Variants in SCRN1 observed in about 807,000 individuals in gnomAD.
The protein encoded by SCRN1 is secernin 1, also known as secernin-1.
Under a neutral mutation model 43.3 loss-of-function variants are expected in SCRN1, and 19 were observed. The ratio of observed to expected loss-of-function variants is 0.44; its 90% CI spans 0.31 to 0.64. The LOEUF is 0.64. Among genes scored for constraint, SCRN1 ranks in the 30% least tolerant of loss-of-function variants. SCRN1 has a pLI of 0.09. For missense variants in SCRN1, 447 were observed against 524.1 expected, an observed-to-expected ratio of 0.85 and a Z score of 1.44; for synonymous variants, 183 against 188.9, an observed-to-expected ratio of 0.97 and a Z score of 0.26.
intron 5 of SCRN1, among the ~76,000 whole-genome samples, chr7:29,936,923 G>A (rs1583657012): frequency 1.3e-5 from 2 of 152,262 alleles, no homozygotes; most frequent in Admixed American, 6.5e-5. Flanking sequence ...GCAGGCGCCT[G>A]TAGTCCCAGC....
intron 7 of SCRN1, among the ~76,000 whole-genome samples, chr7:29,925,125 C>T (rs1401024196): frequency 6.6e-6 from 1 of 152,120 alleles, no homozygotes; most frequent in Admixed American, 6.5e-5. Context: ...GTGGACAGCC[C>T]TGGAGAAAAC....
chr7:29,954,331 T>A lies in SCRN1; in HGVS notation c.341+848A>T, dbSNP rs953253038. ...TTCTAGTTTATGATTTTTCATATTT[T>A]TATATATATATTATATATTTCAAGT... is the stretch of plus-strand genomic sequence containing the variant. On this transcript the variant is annotated intron_variant, in intron 3 of 7. Coordinates refer to ENST00000242059, the MANE Select transcript of SCRN1 (RefSeq NM_014766.5). Among the ~76,000 whole-genome samples the A allele has an allele frequency of 2.2e-4, 33 of 151,980 alleles. No individual in the cohort carries two copies. The East Asian group carries it at 2.9e-3, about 13-fold the overall frequency.
chr7:29,980,519 T>C (rs1422034397), intron 1 of SCRN1, among the ~76,000 whole-genome samples: 1 of 152,224 alleles, frequency 6.6e-6, no homozygotes, highest in Non-Finnish European at 1.5e-5. Flanking sequence ...GTTAACTCTG[T>C]AAACTGGGAT....
chr7:29,963,551 A>G (rs1377818238), intron 2 of SCRN1, among the ~76,000 whole-genome samples: 1 of 152,258 alleles, frequency 6.6e-6, no homozygotes, highest in Non-Finnish European at 1.5e-5. Context: ...GCTAACAATG[A>G]GAATAGAAAA....
In SCRN1 at chr7:29,955,279, T is replaced by C. The variant is rs1269557881; in HGVS notation, c.241A>G (p.Met81Val). ...CACACTCCATGTTCATTGGCTCCCATTTCTGCTCCCCAGAGCCAGGCGGGT... is the reference window on the plus strand; with the variant it reads ...CACACTCCATGTTCATTGGCTCCCACTTCTGCTCCCCAGAGCCAGGCGGGT... ...SRPAWLWGAE[M>V]GANEHGVCIA... is the part of the protein sequence containing the mutation. The change falls in exon 3 of 8, where the codon ATG (methionine) becomes GTG (valine). Residue 81 changes from methionine (M) to valine (V), a missense_variant. Physicochemically the swap from Met to Val is conservative, Grantham distance 21. Transcript: ENST00000242059. 2 of 1,614,188 alleles carry C rather than the reference T, an allele frequency of 1.2e-6. No homozygotes were observed. The highest frequency in any genetic ancestry group is 1.7e-6 in the Non-Finnish European group (2 of 1,180,030).
chr7:29,986,454 A>G (rs913642223), intron 1 of SCRN1, among the ~76,000 whole-genome samples: 1 of 152,072 alleles, frequency 6.6e-6, no homozygotes, highest in Non-Finnish European at 1.5e-5. Context: ...TATATTTTAC[A>G]CTCAGCATAT....
chr7:29,978,468 G>T (rs1788897931), intron 1 of SCRN1, among the ~76,000 whole-genome samples: 1 of 152,086 alleles, frequency 6.6e-6, no homozygotes, highest in South Asian at 2.1e-4. Context: ...TCACCTTTGT[G>T]TAATTGCACT....
intron 1 of SCRN1, among the ~76,000 whole-genome samples, chr7:29,973,586 CT>C (rs1788726480): frequency 6.6e-6 from 1 of 152,150 alleles, no homozygotes; most frequent in Non-Finnish European, 1.5e-5. Context: ...CAGGTCCACA[CT>C]GAGCCTTGAA....
chr7:29,982,237 G>A (rs546628201), intron 1 of SCRN1, among the ~76,000 whole-genome samples: 1 of 152,134 alleles, frequency 6.6e-6, no homozygotes, highest in Non-Finnish European at 1.5e-5. Flanking sequence ...ATCTAAAATT[G>A]TATGTTAGAA....
At chr7:29,977,518 T>C (rs1241801507) in intron 1 of SCRN1, among the ~76,000 whole-genome samples, 1 of 152,260 alleles carries the variant, frequency 6.6e-6, no homozygotes, top group Non-Finnish European at 1.5e-5. Flanking sequence ...AAATGCCAGC[T>C]GATGAAAGTC....
At chr7:29,963,391 C>A (rs1788392849) in intron 2 of SCRN1, among the ~76,000 whole-genome samples, 1 of 151,914 alleles carries the variant, frequency 6.6e-6, no homozygotes, top group African/African-American at 2.4e-5. Flanking sequence ...CAGGAGTCTA[C>A]CAAGTAGATG....
chr7:29,951,429 C>T (rs1787917000), intron 3 of SCRN1, among the ~76,000 whole-genome samples: 1 of 152,138 alleles, frequency 6.6e-6, no homozygotes, highest in Non-Finnish European at 1.5e-5. Context: ...GCCCAGCAGC[C>T]CGACCAAAAC....
At chr7:29,957,846 G>C (rs1202502096) in intron 2 of SCRN1, among the ~76,000 whole-genome samples, 1 of 152,198 alleles carries the variant, frequency 6.6e-6, no homozygotes, top group Non-Finnish European at 1.5e-5. Context: ...CTATGGTCCA[G>C]AGAGGTCCCT....
At position 29,922,409 on chromosome 7, in the gene SCRN1, C is replaced by T. The variant is rs1366134709; in HGVS notation, c.*1548G>A. The T allele has an allele frequency of 6.6e-6, 1 of 152,218 alleles. No homozygotes were observed. Among genetic ancestry groups the T allele is most frequent in the Non-Finnish European group, 1.5e-5 (1 of 68,034 alleles). The allele number at this position is 152,218 out of a possible 1,614,324, so 9.4% of individuals were successfully genotyped here. A position where few individuals can be genotyped will look rare whatever the true frequency, so the allele number is the denominator to read the frequency against. On this transcript the variant is annotated 3_prime_UTR_variant, in exon 8 of 8. Coordinates refer to ENST00000242059, the MANE Select transcript of SCRN1 (RefSeq NM_014766.5). ...CCCTCAAAATCTCATGATACAGCTT[C>T]TGGGAAGGAGTTATTAACCCTGTCA...
rs879619865 is a variant in SCRN1, at chr7:29,959,412, A to ATG, written c.160-4054_160-4053dup. ...GTTTTTTATTTATTTAAAATTATATATGTGTGTGTGTGTATGTGTGTATTT... is the reference window on the plus strand; with the variant it reads ...GTTTTTTATTTATTTAAAATTATATATGTGTGTGTGTGTGTATGTGTGTATTT... On this transcript the variant is annotated intron_variant, in intron 2 of 7. Transcript: ENST00000242059. Among the ~76,000 whole-genome samples the ATG allele has an allele frequency of 1.3e-4, 20 of 151,954 alleles. No homozygotes were observed. In the South Asian group the frequency reaches 1.7e-3, roughly 13 times the overall value.
At chr7:29,954,885 T>C (rs1788079226) in intron 3 of SCRN1, among the ~76,000 whole-genome samples, 2 of 152,192 alleles carry the variant, frequency 1.3e-5, no homozygotes, top group East Asian at 3.8e-4. Flanking sequence ...TTCACCATGT[T>C]GGCCAGGCTG....
intron 1 of SCRN1, among the ~76,000 whole-genome samples, chr7:29,973,539 G>A (rs909668831): frequency 1.3e-5 from 2 of 152,220 alleles, no homozygotes; most frequent in African/African-American, 4.8e-5. Flanking sequence ...GACAGGGAAA[G>A]TAGGGTAGAG....
At chr7:29,947,316 A>G in intron 3 of SCRN1, 1 of 1,550,778 alleles carries the variant, frequency 6.4e-7, no homozygotes, top group Non-Finnish European at 8.7e-7. Context: ...AAAAGTTAAC[A>G]CATCTCACTG....
At chr7:29,932,421 G>A (rs1332950141) in intron 6 of SCRN1, among the ~76,000 whole-genome samples, 1 of 152,036 alleles carries the variant, frequency 6.6e-6, no homozygotes, top group Non-Finnish European at 1.5e-5. Context: ...GGGAGGCGGA[G>A]GCAGGCAGAT....
Sources: gnomAD v4.1 joint callset for allele counts (sites outside exome capture counted in the v4.1 genomes callset) on GRCh38, gnomAD v4.1.1 for gene constraint, MANE v1.5 for transcripts, NCBI Gene and HGNC (gene_info 2026-07-23, HGNC 2026-07-21) for gene names.